The following ZNF521 variants were observed in gnomAD, a reference collection of about 807,000 sequenced individuals.
ZNF521 encodes the protein zinc finger protein 521, also known as LYST-interacting protein 3.
Under a neutral mutation model 105.5 loss-of-function variants are expected in ZNF521, and 14 were observed. That is an observed-to-expected ratio of 0.13 (90% CI 0.09 to 0.21). The LOEUF is 0.21. Ranked by LOEUF, ZNF521 falls within the 10% of genes least tolerant of loss-of-function variation. ZNF521 has a pLI of 1.00. For missense variants in ZNF521, 1,233 were observed against 1,629.7 expected (o/e 0.76, Z 4.19); for synonymous variants, 635 against 606.0 (o/e 1.05, Z -0.70).
intron 5 of ZNF521, among the ~76,000 whole-genome samples, chr18:25,144,866 T>G (rs1445003068): frequency 6.6e-6 from 1 of 152,222 alleles, no homozygotes; most frequent in Non-Finnish European, 1.5e-5. Context: ...TGTCCCTACA[T>G]GCTGTCCAAG....
chr18:25,157,374 A>G (rs186000653), intron 5 of ZNF521, among the ~76,000 whole-genome samples: 5 of 152,342 alleles, frequency 3.3e-5, no homozygotes, highest in Admixed American at 3.3e-4. Flanking sequence ...TTCACACACA[A>G]AGATAGAGAT....
intron 7 of ZNF521, among the ~76,000 whole-genome samples, chr18:25,081,767 G>A (rs910199408): frequency 3.3e-5 from 5 of 152,132 alleles, no homozygotes; most frequent in Admixed American, 6.5e-5. Context: ...ACCTTTAGAC[G>A]CATTATGAAT....
intron 5 of ZNF521, among the ~76,000 whole-genome samples, chr18:25,153,683 T>C (rs1198219581): frequency 3.3e-5 from 5 of 152,224 alleles, no homozygotes; most frequent in South Asian, 2.1e-4. Context: ...AAACATTTGA[T>C]GCATTTTAAA....
chr18:25,225,459 G>T lies in ZNF521; in HGVS notation c.2459C>A (p.Ala820Glu), dbSNP rs1906055712. The change falls in exon 4 of 8, where the codon GCG (alanine) becomes GAG (glutamate). Residue 820 changes from alanine (A) to glutamate (E), a missense_variant. Physicochemically the swap from Ala to Glu is moderately radical, Grantham distance 107. Around this residue, in one of 6 missense-constraint regions of ZNF521, gnomAD observed 614 missense variants for 751.5 expected, o/e 0.82. Transcript: ENST00000361524. The surrounding 1 kb of genome is among the most constrained non-coding windows in gnomAD (Gnocchi z 5.6). ...NCKFCSKAFH[A>E]IILLEKHLRE... ...CAAGTGTTTTTCTAACAAAATGATC[G>T]CATGGAAGGCTTTGCTACAGAACTT... 1.2e-6 allele frequency: 2 copies of T among 1,614,152 alleles called. No individual in the cohort carries two copies. The highest frequency in any genetic ancestry group is 8.5e-7 in the Non-Finnish European group (1 of 1,180,034).
chr18:25,113,110 A>C (rs1401577599), intron 5 of ZNF521, among the ~76,000 whole-genome samples: 2 of 151,626 alleles, frequency 1.3e-5, no homozygotes, highest in African/African-American at 4.8e-5. Context: ...GCTGGATCGC[A>C]CTGGCAATCT....
At chr18:25,293,928 T>C (rs1413839754) in intron 3 of ZNF521, among the ~76,000 whole-genome samples, 4 of 152,228 alleles carry the variant, frequency 2.6e-5, no homozygotes, top group Non-Finnish European at 5.9e-5. Flanking sequence ...TTTTCTTACT[T>C]GCTTGCAAAT....
chr18:25,104,703 G>A (rs1360470139), intron 5 of ZNF521, among the ~76,000 whole-genome samples: 1 of 152,138 alleles, frequency 6.6e-6, no homozygotes, highest in African/African-American at 2.4e-5. Context: ...TGTAATTGTT[G>A]CGTAAAACAG....
chr18:25,197,169 C>A (rs1374192766), intron 4 of ZNF521, among the ~76,000 whole-genome samples: 2 of 151,774 alleles, frequency 1.3e-5, no homozygotes, highest in East Asian at 3.9e-4. Context: ...ACTGATAATT[C>A]AAACATTAAT....
chr18:25,191,742 T>C (rs988068964), intron 5 of ZNF521, among the ~76,000 whole-genome samples: 2 of 152,208 alleles, frequency 1.3e-5, no homozygotes, highest in African/African-American at 4.8e-5. Flanking sequence ...ATTTACTCTA[T>C]GCTGTTGAGC....
At chr18:25,131,126 T>G (rs2034634296) in intron 5 of ZNF521, among the ~76,000 whole-genome samples, 1 of 152,086 alleles carries the variant, frequency 6.6e-6, no homozygotes, top group Admixed American at 6.6e-5. Context: ...AGAAGATTGC[T>G]TCTTACTGCT....
chr18:25,165,865 G>GA (rs1202067423), intron 5 of ZNF521, among the ~76,000 whole-genome samples: 2 of 152,172 alleles, frequency 1.3e-5, no homozygotes, highest in Non-Finnish European at 2.9e-5. Flanking sequence ...TCTAGCACAT[G>GA]TGCATAAGAA....
intron 3 of ZNF521, among the ~76,000 whole-genome samples, chr18:25,298,226 C>T (rs993742599): frequency 5.3e-5 from 8 of 152,284 alleles, no homozygotes; most frequent in African/African-American, 1.9e-4. Context: ...TTATAGAAGT[C>T]ATTGAACTAT....
At chr18:25,128,311 C>T (rs2034574691) in intron 5 of ZNF521, among the ~76,000 whole-genome samples, 1 of 151,828 alleles carries the variant, frequency 6.6e-6, no homozygotes, top group Non-Finnish European at 1.5e-5. Flanking sequence ...TAGGGGGTAA[C>T]TGCTTCAATT....
chr18:25,302,124 A>G (rs1215980845), intron 3 of ZNF521: 2 of 151,972 alleles, frequency 1.3e-5, no homozygotes, highest in Non-Finnish European at 2.9e-5. Context: ...TCAGAATCCA[A>G]TTGAAAAGCT....
chr18:25,289,229 T>C (rs1234487329), intron 3 of ZNF521, among the ~76,000 whole-genome samples: 2 of 152,256 alleles, frequency 1.3e-5, no homozygotes, highest in Non-Finnish European at 2.9e-5. Flanking sequence ...ACTTCGGTTA[T>C]GAATCATCCT....
intron 3 of ZNF521, among the ~76,000 whole-genome samples, chr18:25,265,728 A>C (rs1411428401): frequency 6.6e-6 from 1 of 152,244 alleles, no homozygotes; most frequent in Non-Finnish European, 1.5e-5. Context: ...CAAAGAGATA[A>C]GTGCACTCAT....
chr18:25,301,818 A>C (rs1911657263), intron 3 of ZNF521: 2 of 152,158 alleles, frequency 1.3e-5, no homozygotes. Flanking sequence ...ATCTGGTGCA[A>C]CCTCTGGAAC....
intron 4 of ZNF521, among the ~76,000 whole-genome samples, chr18:25,220,109 C>A (rs1905610083): frequency 6.6e-6 from 1 of 152,080 alleles, no homozygotes; most frequent in Non-Finnish European, 1.5e-5. Flanking sequence ...AACAAACCTA[C>A]AGGAAGGGGC....
At chr18:25,086,995 T>C (rs4519407) in intron 7 of ZNF521, among the ~76,000 whole-genome samples, 150,049 of 152,308 alleles carry the variant, frequency 0.99, 73,948 homozygotes, top group East Asian at 1. Context: ...TTGCCCTTTA[T>C]ACTCTCATTA....
Sources: gnomAD v4.1 joint callset for allele counts (sites outside exome capture counted in the v4.1 genomes callset) on GRCh38, gnomAD v4.1.1 for gene constraint, gnomAD v4.1.1 regional missense constraint, Gnocchi (gnomAD v3.1) non-coding constraint, MANE v1.5 for transcripts, NCBI Gene and HGNC (gene_info 2026-07-23, HGNC 2026-07-21) for gene names.